Variants in SYT1 observed in about 807,000 individuals in gnomAD.
SYT1 encodes synaptotagmin 1, also known as synaptotagmin-1.
In SYT1, 8 loss-of-function variants were observed where a neutral mutation model predicts 44.8. The observed-to-expected ratio is 0.18, with a 90% confidence interval of 0.10 to 0.32. SYT1 has a LOEUF of 0.32. Ranked by LOEUF, SYT1 falls within the 10% of genes least tolerant of loss-of-function variation. The pLI, the probability that SYT1 is intolerant of heterozygous loss-of-function variation, is 1.00. For missense variants in SYT1, 286 were observed against 509.3 expected (o/e 0.56, Z 4.22); for synonymous variants, 154 against 188.8 (o/e 0.82, Z 1.51).
intron 1 of SYT1, among the ~76,000 whole-genome samples, chr12:78,922,492 T>TA (rs1381161712): frequency 6.6e-6 from 1 of 151,832 alleles, no homozygotes; most frequent in Non-Finnish European, 1.5e-5. Flanking sequence ...TTTGGAAAAT[T>TA]AAAAAAATTC....
chr12:79,019,304 TG>T (rs1472676280), intron 2 of SYT1, among the ~76,000 whole-genome samples: 1 of 151,990 alleles, frequency 6.6e-6, no homozygotes, highest in Non-Finnish European at 1.5e-5. Flanking sequence ...TAACTTAATT[TG>T]GGGATTTGTC....
At chr12:79,164,681 A>T (rs570924784) in intron 3 of SYT1, among the ~76,000 whole-genome samples, 3 of 152,170 alleles carry the variant, frequency 2.0e-5, no homozygotes, top group Non-Finnish European at 2.9e-5. Flanking sequence ...GTTTCTCAAG[A>T]GAGAGGCTGT....
At chr12:78,981,428 A>G (rs1338865003) in intron 2 of SYT1, among the ~76,000 whole-genome samples, 1 of 151,894 alleles carries the variant, frequency 6.6e-6, no homozygotes, top group Non-Finnish European at 1.5e-5. Context: ...GAGCAGCCTT[A>G]ATTCTTTTAA....
rs17046370 is a variant in SYT1, at chr12:79,098,923, A to G, written c.-18+51561A>G. ...AGAGCAACTTCAACTGGTCCAATGT[A>G]TGAGTATCGACTTTTTATCCTTTAG... On this transcript the variant is annotated intron_variant, in intron 3 of 10. Coordinates refer to ENST00000261205, the MANE Select transcript of SYT1 (RefSeq NM_005639.3). Among the ~76,000 whole-genome samples, 974 of 152,286 alleles carry G rather than the reference A, an allele frequency of 6.4e-3. 7 individuals carry two copies. The highest frequency in any genetic ancestry group is 0.022 in the African/African-American group (923 of 41,572).
intron 1 of SYT1, among the ~76,000 whole-genome samples, chr12:78,875,596 C>T (rs1022788371): frequency 1.3e-5 from 2 of 151,522 alleles, no homozygotes; most frequent in Non-Finnish European, 1.5e-5. Flanking sequence ...ATGTGTTTCC[C>T]GTGCCTTAAT....
chr12:78,982,370 A>C (rs996677059), intron 2 of SYT1, among the ~76,000 whole-genome samples: 9 of 152,200 alleles, frequency 5.9e-5, no homozygotes, highest in Non-Finnish European at 1.2e-4. Flanking sequence ...TAAGTTTCTA[A>C]AATCCCTTTT....
At chr12:79,214,740 T>C (rs1212092987) in intron 3 of SYT1, among the ~76,000 whole-genome samples, 1 of 152,184 alleles carries the variant, frequency 6.6e-6, no homozygotes, top group Admixed American at 6.5e-5. Flanking sequence ...AATATACCTT[T>C]AATGTAATGA....
chr12:78,945,606 G>A (rs1038311585), intron 1 of SYT1, among the ~76,000 whole-genome samples: 1 of 151,978 alleles, frequency 6.6e-6, no homozygotes, highest in Non-Finnish European at 1.5e-5. Context: ...GAGATTAGCA[G>A]TGCTTATATG....
At chr12:78,875,431 A>C (rs912067992) in intron 1 of SYT1, among the ~76,000 whole-genome samples, 3 of 151,586 alleles carry the variant, frequency 2.0e-5, no homozygotes, top group Non-Finnish European at 3.0e-5. Flanking sequence ...CTAATAAATA[A>C]AACAGAGCAA....
At chr12:79,429,947 T>A (rs1869680678) in intron 9 of SYT1, among the ~76,000 whole-genome samples, 1 of 152,072 alleles carries the variant, frequency 6.6e-6, no homozygotes, top group African/African-American at 2.4e-5. Context: ...TTTATGAAAA[T>A]CACATTAGGT....
chr12:78,940,985 A>G (rs1388396107), intron 1 of SYT1, among the ~76,000 whole-genome samples: 1 of 151,716 alleles, frequency 6.6e-6, no homozygotes, highest in Non-Finnish European at 1.5e-5. Context: ...CTCTGTGAGA[A>G]TAACTGCAGT....
intron 1 of SYT1, among the ~76,000 whole-genome samples, chr12:78,920,076 A>G (rs1255639391): frequency 2.0e-5 from 3 of 151,948 alleles, no homozygotes; most frequent in Admixed American, 2.0e-4. Context: ...CTAAGGCAGA[A>G]AAATGTGAAG....
intron 1 of SYT1, among the ~76,000 whole-genome samples, chr12:78,865,514 A>AG (rs1767426020): frequency 6.7e-6 from 1 of 148,942 alleles, no homozygotes; most frequent in South Asian, 2.2e-4. Flanking sequence ...TAGAGGAAAG[A>AG]GGGGGAGTGA....
At chr12:79,401,729 G>C (rs958053897) in intron 9 of SYT1, among the ~76,000 whole-genome samples, 2 of 150,368 alleles carry the variant, frequency 1.3e-5, no homozygotes, top group Non-Finnish European at 2.9e-5. Context: ...GAGTGCAGCA[G>C]CACAGTCATA....
intron 3 of SYT1, among the ~76,000 whole-genome samples, chr12:79,183,619 A>G (rs1013115882): frequency 4.6e-5 from 7 of 152,006 alleles, no homozygotes; most frequent in South Asian, 2.1e-4. Context: ...TCTTAGAAGA[A>G]CATACACCAT....
At chr12:79,324,751 G>A (rs927452156) in intron 8 of SYT1, among the ~76,000 whole-genome samples, 4 of 151,676 alleles carry the variant, frequency 2.6e-5, no homozygotes, top group East Asian at 1.9e-4. Flanking sequence ...GAAGAGCCAC[G>A]TTGCTGGAAA....
intron 8 of SYT1, among the ~76,000 whole-genome samples, chr12:79,328,374 T>G (rs1881700406): frequency 6.6e-6 from 1 of 152,192 alleles, no homozygotes; most frequent in African/African-American, 2.4e-5. Flanking sequence ...ACATGTTCAT[T>G]AAAACAGAGT....
At chr12:79,183,282 C>G (rs954628255) in intron 3 of SYT1, among the ~76,000 whole-genome samples, 1 of 151,830 alleles carries the variant, frequency 6.6e-6, no homozygotes, top group Non-Finnish European at 1.5e-5. Context: ...TAGGATGTAC[C>G]AGCTTTTAGT....
intron 4 of SYT1, among the ~76,000 whole-genome samples, chr12:79,259,335 C>A (rs1369982715): frequency 6.6e-6 from 1 of 152,100 alleles, no homozygotes; most frequent in Non-Finnish European, 1.5e-5. Context: ...AATACAATAC[C>A]TGACATTAAA....
Sources: gnomAD v4.1 joint callset for allele counts (sites outside exome capture counted in the v4.1 genomes callset) on GRCh38, gnomAD v4.1.1 for gene constraint, MANE v1.5 for transcripts, NCBI Gene and HGNC (gene_info 2026-07-23, HGNC 2026-07-21) for gene names.